CDK13: variants seen among roughly 807,000 people sequenced by gnomAD.
The protein encoded by CDK13 is cyclin-dependent kinase 13.
A neutral mutation model predicts 137.6 loss-of-function variants in CDK13; 40 were observed. The observed-to-expected ratio is 0.29, with a 90% CI of 0.23 to 0.38. The LOEUF (loss-of-function observed/expected upper bound fraction) is 0.38. Ranked by LOEUF, CDK13 falls within the 10% of genes least tolerant of loss-of-function variation. CDK13 has a pLI of 1.00. For missense variants in CDK13, 1,704 were observed against 1,951.8 expected (o/e 0.87, Z 2.39); for synonymous variants, 869 against 760.1 (o/e 1.14, Z -2.36).
chr7:40,043,793 A>G (rs1785668775), intron 5 of CDK13, among the ~76,000 whole-genome samples: 1 of 151,242 alleles, frequency 6.6e-6, no homozygotes, highest in African/African-American at 2.4e-5. Context: ...GTGCCACTGT[A>G]CTCCAGTCTG....
At chr7:40,082,356 G>A (rs1301656544) in intron 11 of CDK13, among the ~76,000 whole-genome samples, 2 of 151,804 alleles carry the variant, frequency 1.3e-5, no homozygotes, top group South Asian at 2.1e-4. Flanking sequence ...GTGTGGTGGC[G>A]GGTGCCTGTA....
intron 5 of CDK13, among the ~76,000 whole-genome samples, chr7:40,044,909 T>A (rs1445844940): frequency 6.6e-6 from 1 of 152,236 alleles, no homozygotes; most frequent in African/African-American, 2.4e-5. Flanking sequence ...GCCCTGGGAT[T>A]ACAGGCATGA....
At chr7:40,079,309 C>T (rs1786613996) in intron 11 of CDK13, among the ~76,000 whole-genome samples, 1 of 152,018 alleles carries the variant, frequency 6.6e-6, no homozygotes, top group Non-Finnish European at 1.5e-5. Flanking sequence ...ATCCCAGCTA[C>T]TTGGGAGGCT....
At chr7:40,018,098 T>C (rs1785040292) in intron 5 of CDK13, among the ~76,000 whole-genome samples, 1 of 152,118 alleles carries the variant, frequency 6.6e-6, no homozygotes, top group Non-Finnish European at 1.5e-5. Flanking sequence ...ATTTTATTTT[T>C]GTGCATTTTA....
At chr7:40,000,903 T>C (rs1784669739) in intron 4 of CDK13, among the ~76,000 whole-genome samples, 1 of 152,212 alleles carries the variant, frequency 6.6e-6, no homozygotes, top group Non-Finnish European at 1.5e-5. Flanking sequence ...TATGTGTGTA[T>C]ATTTCATTTT....
chr7:40,036,630 A>G (rs555263393), intron 5 of CDK13, among the ~76,000 whole-genome samples: 1 of 152,150 alleles, frequency 6.6e-6, no homozygotes, highest in South Asian at 2.1e-4. Context: ...AAATAGTATA[A>G]TGAACCCCAG....
At chr7:39,966,596 G>T (rs1082023) in intron 1 of CDK13, among the ~76,000 whole-genome samples, 104,042 of 152,034 alleles carry the variant, frequency 0.68, 36,122 homozygotes, top group East Asian at 0.99. Flanking sequence ...TCTGAATGAA[G>T]CCTTCTTCTC....
chr7:40,081,670 T>TA (rs1211309169), intron 11 of CDK13, among the ~76,000 whole-genome samples: 1 of 152,236 alleles, frequency 6.6e-6, no homozygotes, highest in Non-Finnish European at 1.5e-5. Context: ...TAAATATCAG[T>TA]AATGAATATT....
intron 5 of CDK13, among the ~76,000 whole-genome samples, chr7:40,028,775 C>G (rs1054313480): frequency 6.6e-6 from 1 of 151,742 alleles, no homozygotes; most frequent in Admixed American, 6.6e-5. Flanking sequence ...TAAAGTTCCT[C>G]TGTAAGAAGT....
At position 40,045,586 on chromosome 7, in the gene CDK13, A is replaced by AT. The variant is rs377479233; in HGVS notation, c.2354-236dup. Among the ~76,000 whole-genome samples, 312 of 145,326 alleles carry AT rather than the reference A, an allele frequency of 2.1e-3. 4 individuals carry two copies. The highest frequency in any genetic ancestry group is 0.017 in the East Asian group (85 of 5,018). On this transcript the variant is annotated intron_variant, in intron 5 of 13. Transcript: ENST00000181839. ...ATACAATATGGAGAACAGCAGGGTG[A>AT]TTTTTTTTTTTTTTAAAATCATAAC...
At chr7:39,992,166 GTGTGTGTGTGTGTGTGT>G (rs1784474580) in intron 2 of CDK13, among the ~76,000 whole-genome samples, 1 of 47,186 alleles carries the variant, frequency 2.1e-5, no homozygotes. Context: ...TAATGAGGGT[GTGTGTGTGTGTGTGTGT>G]GTGTGTGTGT....
intron 5 of CDK13, among the ~76,000 whole-genome samples, chr7:40,013,978 C>T (rs1784950123): frequency 6.7e-6 from 1 of 150,242 alleles, no homozygotes; most frequent in South Asian, 2.1e-4. Context: ...AAAAATAATA[C>T]AGTGCTTATT....
intron 12 of CDK13, among the ~76,000 whole-genome samples, chr7:40,089,243 C>T (rs1020223637): frequency 4.6e-5 from 7 of 150,752 alleles, no homozygotes; most frequent in Non-Finnish European, 7.4e-5. Context: ...GAGACCAGCC[C>T]AGACAACTTC....
At chr7:40,086,988 T>C (rs1165346625) in intron 11 of CDK13, among the ~76,000 whole-genome samples, 1 of 151,890 alleles carries the variant, frequency 6.6e-6, no homozygotes, top group African/African-American at 2.4e-5. Flanking sequence ...AATTTTTTTA[T>C]AGAGACAGGG....
chr7:40,081,491 C>T (rs144384611), intron 11 of CDK13, among the ~76,000 whole-genome samples: 5 of 152,178 alleles, frequency 3.3e-5, no homozygotes, highest in Non-Finnish European at 7.4e-5. Flanking sequence ...TCATCTTGAA[C>T]TTATGTTACT....
At chr7:39,991,736 C>T (rs903351585) in intron 2 of CDK13, among the ~76,000 whole-genome samples, 1 of 152,084 alleles carries the variant, frequency 6.6e-6, no homozygotes, top group African/African-American at 2.4e-5. Flanking sequence ...GAAGTGTTAA[C>T]ATTTTGTTTT....
intron 1 of CDK13, among the ~76,000 whole-genome samples, chr7:39,961,581 T>C (rs533489023): frequency 1.3e-5 from 2 of 152,190 alleles, no homozygotes; most frequent in African/African-American, 4.8e-5. Flanking sequence ...ATTCCACATA[T>C]AAGTGAGATC....
At chr7:39,964,832 C>G (rs2116154039) in intron 1 of CDK13, among the ~76,000 whole-genome samples, 1 of 152,100 alleles carries the variant, frequency 6.6e-6, no homozygotes, top group Non-Finnish European at 1.5e-5. Flanking sequence ...TGTCTTTGTT[C>G]TCGTTGGTTT....
intron 2 of CDK13, 99 bp downstream of exon 2, chr7:39,988,357 T>C: frequency 2.4e-6 from 2 of 830,152 alleles, no homozygotes; most frequent in Non-Finnish European, 1.9e-6. Context: ...GAAACAACTT[T>C]AGTGAAAAAG....
Sources: allele counts gnomAD v4.1 joint callset (sites outside exome capture counted in the v4.1 genomes callset), GRCh38; gene constraint gnomAD v4.1.1; transcripts MANE v1.5; gene names NCBI Gene and HGNC (gene_info 2026-07-23, HGNC 2026-07-21).